Variants in KCNJ6 observed in about 807,000 individuals in gnomAD.
The protein encoded by KCNJ6 is potassium inwardly rectifying channel subfamily J member 6.
In KCNJ6, 9 loss-of-function variants were observed where a neutral mutation model predicts 34.2. That is an observed-to-expected ratio of 0.26 (90% CI 0.16 to 0.46). The LOEUF is 0.46. Among genes scored for constraint, KCNJ6 ranks in the 20% least tolerant of loss-of-function variants. KCNJ6 has a pLI of 1.00. For missense variants in KCNJ6, 236 were observed against 531.3 expected, an observed-to-expected ratio of 0.44 and a Z score of 5.46; for synonymous variants, 196 against 207.1, an observed-to-expected ratio of 0.95 and a Z score of 0.46.
At chr21:37,813,640 C>G (rs1238553315) in intron 2 of KCNJ6, among the ~76,000 whole-genome samples, 1 of 152,148 alleles carries the variant, frequency 6.6e-6, no homozygotes, top group Non-Finnish European at 1.5e-5. Context: ...TTGCTGATAA[C>G]ATACACTGGG....
intron 2 of KCNJ6, among the ~76,000 whole-genome samples, chr21:37,732,910 T>C (rs1480592753): frequency 6.6e-6 from 1 of 152,158 alleles, no homozygotes; most frequent in Non-Finnish European, 1.5e-5. Context: ...TCAACACCTG[T>C]TGGGTAGCTC....
At chr21:37,818,110 C>T (rs1337451438) in intron 2 of KCNJ6, among the ~76,000 whole-genome samples, 2 of 152,146 alleles carry the variant, frequency 1.3e-5, no homozygotes, top group Non-Finnish European at 2.9e-5. Flanking sequence ...ATTCCCCAGT[C>T]TTGTCCTTAT....
chr21:37,859,530 T>TAA lies in KCNJ6; in HGVS notation c.-27-18823_-27-18822dup, dbSNP rs774425514. On this transcript the variant is annotated intron_variant, in intron 1 of 3. Coordinates refer to ENST00000609713, the MANE Select transcript of KCNJ6 (RefSeq NM_002240.5). ...ATATATATATATATATATATATATA[T>TAA]AAAATACTTAAAAAGCTCTACAGAT... is the stretch of plus-strand genomic sequence containing the variant. Among the ~76,000 whole-genome samples the TAA allele has an allele frequency of 3.2e-3, 301 of 94,704 alleles. 4 individuals carry two copies. Among genetic ancestry groups the TAA allele is most frequent in the Non-Finnish European group, 4.6e-3 (228 of 49,644 alleles). The allele number at this position is 94,704 out of a possible 152,430, so 62.1% of individuals were successfully genotyped here.
chr21:37,833,473 T>C (rs1208955032), intron 2 of KCNJ6, among the ~76,000 whole-genome samples: 1 of 152,142 alleles, frequency 6.6e-6, no homozygotes, highest in Admixed American at 6.5e-5. Flanking sequence ...AGAAGTGACA[T>C]GTGTCATGTG....
At chr21:37,742,827 C>T (rs1264987731) in intron 2 of KCNJ6, among the ~76,000 whole-genome samples, 2 of 152,212 alleles carry the variant, frequency 1.3e-5, no homozygotes, top group African/African-American at 2.4e-5. Flanking sequence ...GTCCAGGCTC[C>T]CAGCAAGGCT....
chr21:37,793,706 A>G (rs1437574036), intron 2 of KCNJ6, among the ~76,000 whole-genome samples: 3 of 152,178 alleles, frequency 2.0e-5, no homozygotes, highest in Non-Finnish European at 4.4e-5. Flanking sequence ...AATCTGAGGC[A>G]TAGGGGTGTT....
intron 2 of KCNJ6, among the ~76,000 whole-genome samples, chr21:37,826,804 C>G (rs929670475): frequency 6.6e-6 from 1 of 152,018 alleles, no homozygotes; most frequent in Non-Finnish European, 1.5e-5. Context: ...GGGTCTGAAA[C>G]CTTTCCTCTT....
At chr21:37,892,353 C>T (rs1033407445) in intron 1 of KCNJ6, among the ~76,000 whole-genome samples, 1 of 152,210 alleles carries the variant, frequency 6.6e-6, no homozygotes, top group Non-Finnish European at 1.5e-5. Context: ...TCACCTACCT[C>T]AGTTTTTAAT....
chr21:37,899,791 T>C (rs970812725), intron 1 of KCNJ6, among the ~76,000 whole-genome samples: 2 of 152,236 alleles, frequency 1.3e-5, no homozygotes, highest in African/African-American at 4.8e-5. Context: ...GTAAGTTCCC[T>C]TCCTTCCTGG....
At position 37,721,804 on chromosome 21, in the gene KCNJ6, G is replaced by T. The variant is rs1543754; in HGVS notation, c.26-6673C>A. 2.2e-3 allele frequency among the ~76,000 whole-genome samples: 339 copies of T among 152,066 alleles called. 1 individual carries two copies. Among genetic ancestry groups the T allele is most frequent in the Non-Finnish European group, 3.3e-3 (225 of 67,960 alleles). On this transcript the variant is annotated intron_variant, in intron 2 of 3. Coordinates refer to ENST00000609713, the MANE Select transcript of KCNJ6 (RefSeq NM_002240.5). Reference sequence around the variant, plus strand: ...GAGAAAGGGGCACTGGGGAGGGTATGGGCAACATTACATTTCAATTTGTCT... The same window carrying T: ...GAGAAAGGGGCACTGGGGAGGGTATTGGCAACATTACATTTCAATTTGTCT...
chr21:37,774,551 C>T (rs2055133061), intron 2 of KCNJ6, among the ~76,000 whole-genome samples: 1 of 139,926 alleles, frequency 7.1e-6, no homozygotes, highest in African/African-American at 2.6e-5. Context: ...CTTCCTGTGT[C>T]CATGTGTTCT....
At chr21:37,688,043 G>A (rs747772300) in intron 3 of KCNJ6, among the ~76,000 whole-genome samples, 7 of 152,060 alleles carry the variant, frequency 4.6e-5, no homozygotes, top group Non-Finnish European at 8.8e-5. Flanking sequence ...ACCTGTTTTA[G>A]GCATAAAACA....
chr21:37,784,065 A>C (rs2123515283), intron 2 of KCNJ6, among the ~76,000 whole-genome samples: 1 of 152,298 alleles, frequency 6.6e-6, no homozygotes, highest in South Asian at 2.1e-4. Context: ...TGTTATAGTG[A>C]CGTGAGCTGA....
At chr21:37,658,967 T>C (rs2054476245) in intron 3 of KCNJ6, among the ~76,000 whole-genome samples, 1 of 152,340 alleles carries the variant, frequency 6.6e-6, no homozygotes, top group South Asian at 2.1e-4. Context: ...GATTAATTTG[T>C]TTTCAGTGTT....
intron 1 of KCNJ6, among the ~76,000 whole-genome samples, chr21:37,901,990 G>A (rs927183642): frequency 2.0e-5 from 3 of 152,084 alleles, no homozygotes; most frequent in African/African-American, 7.2e-5. Context: ...CTGATATAGA[G>A]AGAAGTAAAA....
intron 2 of KCNJ6, among the ~76,000 whole-genome samples, chr21:37,747,920 G>A (rs562921260): frequency 2.0e-5 from 3 of 152,300 alleles, no homozygotes; most frequent in African/African-American, 4.8e-5. Flanking sequence ...AGCTGCATAA[G>A]GAAACTAACA....
rs559636631 is a variant in KCNJ6, at chr21:37,815,890, G to A, written c.25+24768C>T. On this transcript the variant is annotated intron_variant, in intron 2 of 3. Transcript: ENST00000609713. ...ACCGAGGCCAGATGTACGTCCCTGC[G>A]CATGACACGGCAGGCAGTGACGCGA... Among the ~76,000 whole-genome samples, 5 of 152,324 alleles carry A rather than the reference G, an allele frequency of 3.3e-5. No homozygotes were observed. In the South Asian group the frequency reaches 1.0e-3, roughly 32 times the overall value.
chr21:37,711,148 G>A (rs930163369), intron 3 of KCNJ6, among the ~76,000 whole-genome samples: 4 of 152,220 alleles, frequency 2.6e-5, no homozygotes, highest in Non-Finnish European at 2.9e-5. Context: ...TTCTAAAAAT[G>A]GAACCTGACC....
chr21:37,904,454 AT>A (rs549479280), intron 1 of KCNJ6, among the ~76,000 whole-genome samples: 20 of 151,166 alleles, frequency 1.3e-4, no homozygotes, highest in African/African-American at 3.9e-4. Context: ...ATTTTTGTTC[AT>A]TTTTTTTTGG....
Sources: gnomAD v4.1 joint callset for allele counts (sites outside exome capture counted in the v4.1 genomes callset) on GRCh38, gnomAD v4.1.1 for gene constraint, MANE v1.5 for transcripts, NCBI Gene and HGNC (gene_info 2026-07-23, HGNC 2026-07-21) for gene names.